The following RASAL2 variants were observed in gnomAD, a reference collection of about 807,000 sequenced individuals.
RASAL2 encodes the protein RAS protein activator like 2.
Under a neutral mutation model 128.9 loss-of-function variants are expected in RASAL2, and 58 were observed. The ratio of observed to expected loss-of-function variants is 0.45; its 90% CI spans 0.36 to 0.56. RASAL2 has a LOEUF of 0.56. Among genes scored for constraint, RASAL2 ranks in the 20% least tolerant of loss-of-function variants. The pLI is 0.00. For missense variants in RASAL2, 1,360 were observed against 1,601.6 expected (o/e 0.85, Z 2.57); for synonymous variants, 561 against 580.8 (o/e 0.97, Z 0.49).
intron 1 of RASAL2, among the ~76,000 whole-genome samples, chr1:178,189,897 T>C (rs1229011011): frequency 1.3e-5 from 2 of 152,222 alleles, no homozygotes; most frequent in South Asian, 4.1e-4. Flanking sequence ...TTTTGTAAAC[T>C]GATGGTACAT....
intron 3 of RASAL2, among the ~76,000 whole-genome samples, chr1:178,308,732 T>C (rs1668110850): frequency 1.3e-5 from 2 of 151,902 alleles, no homozygotes; most frequent in African/African-American, 2.4e-5. Context: ...TAATTTATTC[T>C]AGAGACAGGG....
chr1:178,412,861 GGTTCTCACAGTGAATATCT>G (rs200923289), intron 4 of RASAL2, among the ~76,000 whole-genome samples: 639 of 152,252 alleles, frequency 4.2e-3, no homozygotes, highest in Non-Finnish European at 6.2e-3. Flanking sequence ...AGTCCTACCA[GGTTCTCACAGTGAATATCT>G]GAGAAAATTC....
At chr1:178,209,655 A>T (rs1663184318) in intron 1 of RASAL2, among the ~76,000 whole-genome samples, 5 of 151,722 alleles carry the variant, frequency 3.3e-5, no homozygotes, top group Admixed American at 3.3e-4. Flanking sequence ...TTTCTGGATA[A>T]TTCATCTGTT....
intron 3 of RASAL2, among the ~76,000 whole-genome samples, chr1:178,321,582 G>C (rs1557900568): frequency 6.6e-6 from 1 of 151,874 alleles, no homozygotes; most frequent in Non-Finnish European, 1.5e-5. Context: ...CATGATCATA[G>C]CTCACTGCAG....
intron 1 of RASAL2, among the ~76,000 whole-genome samples, chr1:178,176,142 A>G (rs947994374): frequency 6.6e-6 from 1 of 152,186 alleles, no homozygotes; most frequent in African/African-American, 2.4e-5. Context: ...ACTGTTTACC[A>G]TAGAGGTTGT....
intron 1 of RASAL2, among the ~76,000 whole-genome samples, chr1:178,229,672 C>T (rs75333358): frequency 6.6e-6 from 1 of 151,994 alleles, no homozygotes; most frequent in East Asian, 1.9e-4. Flanking sequence ...TTGATTGATT[C>T]ATTCATTCTC....
At chr1:178,181,777 GTT>G (rs59729199) in intron 1 of RASAL2, among the ~76,000 whole-genome samples, 2 of 142,274 alleles carry the variant, frequency 1.4e-5, no homozygotes, top group Admixed American at 7.0e-5. Flanking sequence ...GGGATTTGCA[GTT>G]TTTTTTTTTT....
chr1:178,411,163 TGTAC>T (rs748732496), intron 4 of RASAL2, among the ~76,000 whole-genome samples: 54 of 28,656 alleles, frequency 1.9e-3, no homozygotes, highest in Non-Finnish European at 4.2e-4. Flanking sequence ...TGTGTGTGTG[TGTAC>T]ACACACACAC....
chr1:178,361,179 A>G (rs1671085962), intron 3 of RASAL2, among the ~76,000 whole-genome samples: 1 of 152,210 alleles, frequency 6.6e-6, no homozygotes. Context: ...CAAATAGGGC[A>G]TGCTTTACAT....
At chr1:178,151,610 T>C (rs943652750) in intron 1 of RASAL2, among the ~76,000 whole-genome samples, 2 of 152,124 alleles carry the variant, frequency 1.3e-5, no homozygotes, top group African/African-American at 4.8e-5. Context: ...ATAACCAGAA[T>C]TGATTGTATA....
At chr1:178,380,144 C>G (rs1370577713) in intron 3 of RASAL2, among the ~76,000 whole-genome samples, 1 of 152,172 alleles carries the variant, frequency 6.6e-6, no homozygotes, top group Non-Finnish European at 1.5e-5. Flanking sequence ...CCGCCTCGGG[C>G]CCCCAAAGTG....
intron 1 of RASAL2, among the ~76,000 whole-genome samples, chr1:178,203,175 G>A (rs1662931858): frequency 6.6e-6 from 1 of 152,128 alleles, no homozygotes; most frequent in Admixed American, 6.5e-5. Context: ...TACCATATGT[G>A]GACTCAAGGA....
chr1:178,157,401 A>G (rs1418099947), intron 1 of RASAL2, among the ~76,000 whole-genome samples: 1 of 152,112 alleles, frequency 6.6e-6, no homozygotes, highest in Non-Finnish European at 1.5e-5. Context: ...GACTTTCCCC[A>G]TGCCCTTCCT....
chr1:178,295,238 T>C lies in RASAL2; in HGVS notation c.331-4754T>C, dbSNP rs897336939. ...GTGGTCTAAGCGTTGGCATTTTTTT[T>C]CTCCCAAAAAAAAAAAAACAAAAAA... On this transcript the variant is annotated intron_variant, in intron 2 of 17. Transcript: ENST00000367649. 8.2e-4 allele frequency among the ~76,000 whole-genome samples: 122 copies of C among 147,980 alleles called. 1 individual carries two copies. The highest frequency in any genetic ancestry group is 7.2e-4 in the African/African-American group (29 of 40,120).
At chr1:178,471,466 A>G (rs971071307) in intron 17 of RASAL2, among the ~76,000 whole-genome samples, 1 of 152,164 alleles carries the variant, frequency 6.6e-6, no homozygotes, top group Non-Finnish European at 1.5e-5. Context: ...CTTAAAATGA[A>G]TTACTTTCCT....
intron 1 of RASAL2, among the ~76,000 whole-genome samples, chr1:178,186,672 A>G (rs1031858397): frequency 2.6e-5 from 4 of 151,682 alleles, no homozygotes; most frequent in African/African-American, 9.7e-5. Context: ...TTTTGTTTCT[A>G]TATAACCAGT....
At chr1:178,185,552 T>C (rs935913634) in intron 1 of RASAL2, among the ~76,000 whole-genome samples, 3 of 151,878 alleles carry the variant, frequency 2.0e-5, no homozygotes, top group African/African-American at 7.2e-5. Flanking sequence ...TTTGTTAACA[T>C]AGATGAACTC....
chr1:178,460,244 A>G (rs1356982402), intron 14 of RASAL2, among the ~76,000 whole-genome samples: 1 of 152,198 alleles, frequency 6.6e-6, no homozygotes, highest in Non-Finnish European at 1.5e-5. Flanking sequence ...AGTGTCCTCC[A>G]CCTGCTTTTC....
Position 178,452,499 on chromosome 1 carries a change from GGCT to G in RASAL2, c.1857_1859del (p.Arg619_Leu620delinsSer). 1 of 1,614,092 alleles carries G rather than the reference GGCT, an allele frequency of 6.2e-7. No individual in the cohort carries two copies. Among genetic ancestry groups the G allele is most frequent in the Non-Finnish European group, 8.5e-7 (1 of 1,179,988 alleles). Reference sequence around the variant, plus strand: ...CGTGGCAAGCAAGACATCAGCGAGAGGCTCATCAGTGCCTCATTATTTCTCCGT... The same window carrying G: ...CGTGGCAAGCAAGACATCAGCGAGAGCATCAGTGCCTCATTATTTCTCCGT... On this transcript the variant is annotated inframe_deletion, in exon 11 of 18. Transcript: ENST00000367649.
Sources: allele counts gnomAD v4.1 joint callset (sites outside exome capture counted in the v4.1 genomes callset), GRCh38; gene constraint gnomAD v4.1.1; transcripts MANE v1.5; gene names NCBI Gene and HGNC (gene_info 2026-07-23, HGNC 2026-07-21).